The following OSBP2 variants were observed in gnomAD, a reference collection of about 807,000 sequenced individuals.
OSBP2 encodes the protein oxysterol-binding protein 2.
Under a neutral mutation model 96.0 loss-of-function variants are expected in OSBP2, and 66 were observed. The observed-to-expected ratio is 0.69, with a 90% confidence interval of 0.56 to 0.84. The LOEUF is 0.84. Ranked by LOEUF, OSBP2 falls within the 40% of genes least tolerant of loss-of-function variation. The probability of loss-of-function intolerance (pLI) is 0.00; values close to 1 mark genes in which losing one functional copy is unlikely to be tolerated. For missense variants in OSBP2, 1,038 were observed against 1,222.7 expected (o/e 0.85, Z 2.25); for synonymous variants, 525 against 520.9 (o/e 1.01, Z -0.11).
rs200850356 is a variant in OSBP2 at position 30,893,139 on chromosome 22, C to A, written c.1887C>A (p.Pro629=). 81 of 1,613,958 alleles carry A rather than the reference C, an allele frequency of 5.0e-5. No individual in the cohort carries two copies. The Middle Eastern group carries it at 1.5e-3, about 29-fold the overall frequency. ...SLCEQVSHHP[P]SAAHYVFSKH... is the part of the protein sequence containing the mutation. ...GGTCTCAGGTGAGCCACCACCCCCC[C>A]TCAGCTGCGCACTACGTGTTCTCCA... The change falls in exon 9 of 14, where the codon CCC becomes CCA. Residue 629 remains proline (P), a synonymous_variant. Transcript: ENST00000332585.
intron 2 of OSBP2, among the ~76,000 whole-genome samples, chr22:30,865,737 C>A (rs996761547): frequency 2.0e-5 from 3 of 151,952 alleles, no homozygotes; most frequent in Admixed American, 1.3e-4. Context: ...TGTTAAGTCC[C>A]AGCTCTGCAC....
At chr22:30,805,845 A>T (rs1231194002) in intron 2 of OSBP2, among the ~76,000 whole-genome samples, 1 of 152,172 alleles carries the variant, frequency 6.6e-6, no homozygotes, top group African/African-American at 2.4e-5. Context: ...CCTCCAGGAG[A>T]ATGGAGCCTA....
chr22:30,724,986 A>T (rs1292594738), intron 1 of OSBP2, among the ~76,000 whole-genome samples: 1 of 146,414 alleles, frequency 6.8e-6, no homozygotes, highest in Non-Finnish European at 1.5e-5. Flanking sequence ...ATCCTGGCTA[A>T]CATGGTGAAA....
intron 2 of OSBP2, among the ~76,000 whole-genome samples, chr22:30,828,817 C>T (rs1271712541): frequency 6.6e-6 from 1 of 152,098 alleles, no homozygotes; most frequent in Non-Finnish European, 1.5e-5. Context: ...AGCAGGCTTC[C>T]CCCAGTGCTT....
chr22:30,905,369 C>T (rs931570837), intron 12 of OSBP2, among the ~76,000 whole-genome samples: 2 of 151,710 alleles, frequency 1.3e-5, no homozygotes, highest in Non-Finnish European at 2.9e-5. Context: ...GTCTCGAACT[C>T]CTGACCTCGT....
intron 2 of OSBP2, among the ~76,000 whole-genome samples, chr22:30,792,974 C>G (rs2090698535): frequency 6.6e-6 from 1 of 152,226 alleles, no homozygotes; most frequent in Non-Finnish European, 1.5e-5. Context: ...AATGGCAGAG[C>G]CTGGATTTTA....
chr22:30,816,942 T>G (rs911745011), intron 2 of OSBP2, among the ~76,000 whole-genome samples: 4 of 152,020 alleles, frequency 2.6e-5, no homozygotes, highest in African/African-American at 9.7e-5. Flanking sequence ...ACCATGTTGG[T>G]CAGGTTGATT....
intron 2 of OSBP2, among the ~76,000 whole-genome samples, chr22:30,845,152 C>A (rs1025306005): frequency 2.6e-5 from 4 of 152,168 alleles, no homozygotes; most frequent in Admixed American, 1.3e-4. Context: ...AAAGTTTAGC[C>A]GGGTGCAGTG....
intron 2 of OSBP2, among the ~76,000 whole-genome samples, chr22:30,809,080 A>C (rs770646621): frequency 1.6e-4 from 25 of 152,190 alleles, no homozygotes; most frequent in Non-Finnish European, 2.4e-4. Flanking sequence ...GCCAAGGAAC[A>C]CCTGAGGCTA....
chr22:30,880,555 T>G (rs977025625), intron 3 of OSBP2, among the ~76,000 whole-genome samples: 2 of 152,160 alleles, frequency 1.3e-5, no homozygotes, highest in Admixed American at 6.5e-5. Context: ...GGTGCCTCCC[T>G]CACATCCCTG....
At chr22:30,826,537 C>T (rs2038409441) in intron 2 of OSBP2, among the ~76,000 whole-genome samples, 1 of 152,176 alleles carries the variant, frequency 6.6e-6, no homozygotes. Context: ...GTGCCCCCTC[C>T]TTCGGACCTC....
At chr22:30,699,192 C>A (rs576775236) in intron 1 of OSBP2, among the ~76,000 whole-genome samples, 1 of 151,766 alleles carries the variant, frequency 6.6e-6, no homozygotes, top group African/African-American at 2.4e-5. Flanking sequence ...TGATCCACCC[C>A]CTTCAGCCTC....
At chr22:30,810,712 C>T (rs1308041374) in intron 2 of OSBP2, among the ~76,000 whole-genome samples, 3 of 152,178 alleles carry the variant, frequency 2.0e-5, no homozygotes, top group Admixed American at 6.6e-5. Flanking sequence ...TGCTCCTCCG[C>T]CTCATAGGAA....
chr22:30,696,339 A>G (rs1317352855), intron 1 of OSBP2, among the ~76,000 whole-genome samples: 3 of 152,152 alleles, frequency 2.0e-5, no homozygotes. Context: ...GAGAACTCAG[A>G]TCAGTCTATG....
At chr22:30,776,191 T>A (rs1469935354) in intron 2 of OSBP2, among the ~76,000 whole-genome samples, 1 of 151,786 alleles carries the variant, frequency 6.6e-6, no homozygotes, top group East Asian at 1.9e-4. Context: ...AGTGATGTGT[T>A]CTCAGCTCAC....
At chr22:30,702,849 A>G (rs1391335235) in intron 1 of OSBP2, among the ~76,000 whole-genome samples, 1 of 152,224 alleles carries the variant, frequency 6.6e-6, no homozygotes, top group Admixed American at 6.5e-5. Flanking sequence ...TATTCCACAT[A>G]GAGCCTGGAG....
At chr22:30,865,256 G>A (rs2039310276) in intron 2 of OSBP2, among the ~76,000 whole-genome samples, 3 of 152,136 alleles carry the variant, frequency 2.0e-5, no homozygotes, top group African/African-American at 7.2e-5. Flanking sequence ...TCCCTGAGTG[G>A]GGAATGGGGT....
At chr22:30,855,016 A>G (rs948649066) in intron 2 of OSBP2, among the ~76,000 whole-genome samples, 2 of 152,140 alleles carry the variant, frequency 1.3e-5, no homozygotes, top group African/African-American at 4.8e-5. Context: ...AACTGTCACA[A>G]GAACAGTATG....
At chr22:30,743,153 C>A (rs1353333580) in intron 2 of OSBP2, among the ~76,000 whole-genome samples, 3 of 152,206 alleles carry the variant, frequency 2.0e-5, no homozygotes, top group African/African-American at 7.2e-5. Context: ...CCTGCTCTCC[C>A]AGACTATCTT....
Sources: gnomAD v4.1 joint callset for allele counts (sites outside exome capture counted in the v4.1 genomes callset) on GRCh38, gnomAD v4.1.1 for gene constraint, MANE v1.5 for transcripts, NCBI Gene and HGNC (gene_info 2026-07-23, HGNC 2026-07-21) for gene names.